The following VTI1A variants were observed in gnomAD, a reference collection of about 807,000 sequenced individuals.
VTI1A encodes vesicle transport through interaction with t-SNAREs 1A.
A neutral mutation model predicts 34.9 loss-of-function variants in VTI1A; 22 were observed. The observed-to-expected ratio is 0.63, with a 90% confidence interval of 0.45 to 0.90. The LOEUF is 0.90. VTI1A is among the 40% of genes least tolerant of loss of function. The probability of loss-of-function intolerance (pLI) is 0.00; values close to 1 mark genes in which losing one functional copy is unlikely to be tolerated. For missense variants in VTI1A, 268 were observed against 275.6 expected (o/e 0.97, Z 0.20); for synonymous variants, 87 against 97.3 (o/e 0.89, Z 0.62).
chr10:112,692,327 TCTC>T (rs1423923657), intron 7 of VTI1A, among the ~76,000 whole-genome samples: 1 of 152,218 alleles, frequency 6.6e-6, no homozygotes, highest in Non-Finnish European at 1.5e-5. Context: ...TGTACTTGTT[TCTC>T]CTCATTCTTC....
the VTI1A span, among the ~76,000 whole-genome samples, chr10:112,849,218 A>C: frequency 2.0e-5 from 3 of 152,232 alleles, no homozygotes; most frequent in East Asian, 5.8e-4. Flanking sequence ...AAAACAACAC[A>C]TGCTAAGCTG....
chr10:112,809,780 A>T (rs900220848), intron 7 of VTI1A, among the ~76,000 whole-genome samples: 3 of 152,220 alleles, frequency 2.0e-5, no homozygotes, highest in Admixed American at 2.0e-4. Flanking sequence ...GGCATCAGGG[A>T]TACAAAAGAC....
At chr10:112,837,031 C>A in the VTI1A span, among the ~76,000 whole-genome samples, 2 of 152,182 alleles carry the variant, frequency 1.3e-5, no homozygotes, top group African/African-American at 2.4e-5. Context: ...AGATCAAAAT[C>A]CTGGGAAGGG....
chr10:112,531,106 TGCGCACGTGCGCGCGC>T (rs1850419889), intron 4 of VTI1A, among the ~76,000 whole-genome samples: 1 of 47,722 alleles, frequency 2.1e-5, no homozygotes, highest in South Asian at 7.8e-4. Flanking sequence ...CACACACACG[TGCGCACGTGCGCGCGC>T]GCGCATGAAC....
chr10:112,796,888 T>C (rs1056119764), intron 7 of VTI1A, among the ~76,000 whole-genome samples: 6 of 152,204 alleles, frequency 3.9e-5, no homozygotes, highest in African/African-American at 1.4e-4. Context: ...TTGGGCAAAA[T>C]TGATTTTTAT....
chr10:112,817,636 T>C lies in VTI1A; in HGVS notation c.*2253T>C, dbSNP rs1388412113. 1 of 228,662 alleles carries C rather than the reference T, an allele frequency of 4.4e-6. No homozygotes were observed. The highest frequency in any genetic ancestry group is 8.7e-6 in the Non-Finnish European group (1 of 115,256). The allele number at this position is 228,662 out of a possible 1,614,324, so 14.2% of individuals were successfully genotyped here. ...TCAGAAGGTTCCCTCAACTCCTTCC[T>C]GGTCCTCCTGGACACTGCAGAAAAG... On this transcript the variant is annotated 3_prime_UTR_variant, in exon 8 of 8. Transcript: ENST00000393077.
intron 5 of VTI1A, among the ~76,000 whole-genome samples, chr10:112,621,514 G>T (rs536037142): frequency 1.1e-4 from 16 of 152,188 alleles, no homozygotes; most frequent in African/African-American, 3.9e-4. Flanking sequence ...TTACTCAAAT[G>T]AGAACTTAAG....
intron 5 of VTI1A, among the ~76,000 whole-genome samples, chr10:112,643,199 G>A (rs1403738336): frequency 7.9e-6 from 1 of 126,776 alleles, no homozygotes; most frequent in Non-Finnish European, 1.6e-5. Context: ...GTTTCACCAT[G>A]TGGCCAGGGT....
chr10:112,492,558 C>T (rs1053352308), intron 3 of VTI1A, among the ~76,000 whole-genome samples: 1 of 152,114 alleles, frequency 6.6e-6, no homozygotes, highest in Non-Finnish European at 1.5e-5. Flanking sequence ...GAGACCCAGG[C>T]AGGCAGATCA....
At chr10:112,550,972 G>A (rs938722803) in intron 5 of VTI1A, among the ~76,000 whole-genome samples, 2 of 152,060 alleles carry the variant, frequency 1.3e-5, no homozygotes, top group African/African-American at 2.4e-5. Context: ...GGCCGGGCGC[G>A]GTGGCTCACG....
intron 3 of VTI1A, among the ~76,000 whole-genome samples, chr10:112,524,597 T>C (rs1268301040): frequency 6.6e-6 from 1 of 152,186 alleles, no homozygotes; most frequent in African/African-American, 2.4e-5. Flanking sequence ...ATTGCTGGTT[T>C]TTAAAAGCGG....
At chr10:112,822,687 C>T (rs1035500996), downstream of VTI1A, among the ~76,000 whole-genome samples, 4 of 104,666 alleles carry the variant, frequency 3.8e-5, no homozygotes, top group Non-Finnish European at 8.6e-5. Context: ...CCTTCCAGAG[C>T]TCTACACTGC....
intron 3 of VTI1A, among the ~76,000 whole-genome samples, chr10:112,505,852 T>C (rs1475457992): frequency 6.6e-6 from 1 of 152,092 alleles, no homozygotes; most frequent in Non-Finnish European, 1.5e-5. Flanking sequence ...TTAAATCACA[T>C]AGTTTTTAAT....
At chr10:112,803,978 C>A (rs1852974046) in intron 7 of VTI1A, among the ~76,000 whole-genome samples, 1 of 152,208 alleles carries the variant, frequency 6.6e-6, no homozygotes, top group Admixed American at 6.5e-5. Context: ...GCTCTGCAGG[C>A]CCCCTGCCAT....
chr10:112,721,617 C>G (rs1849809096), intron 7 of VTI1A, among the ~76,000 whole-genome samples: 1 of 152,182 alleles, frequency 6.6e-6, no homozygotes, highest in African/African-American at 2.4e-5. Flanking sequence ...CTTTTCAAAA[C>G]AAGTCTCTTG....
Position 112,543,530 on chromosome 10 carries a change from A to G in VTI1A, c.427+5200A>G, listed in dbSNP as rs369685832. Among the ~76,000 whole-genome samples, 4 of 151,838 alleles carry G rather than the reference A, an allele frequency of 2.6e-5. No individual in the cohort carries two copies. In the South Asian group the frequency reaches 8.3e-4, roughly 32 times the overall value. ...GCCCACTTTTTGATGGGGTTGTTTG[A>G]TTTTTTTCTTCTAAATTTGTTTAAG... On this transcript the variant is annotated intron_variant, in intron 5 of 7. Transcript: ENST00000393077.
chr10:112,522,237 T>G (rs1380170162), intron 3 of VTI1A, among the ~76,000 whole-genome samples: 1 of 152,052 alleles, frequency 6.6e-6, no homozygotes, highest in African/African-American at 2.4e-5. Context: ...CTGGTAACCT[T>G]GGGCATTATT....
At chr10:112,577,889 G>A (rs183533700) in intron 5 of VTI1A, among the ~76,000 whole-genome samples, 11 of 152,302 alleles carry the variant, frequency 7.2e-5, no homozygotes, top group South Asian at 6.2e-4. Flanking sequence ...CACCAAATCC[G>A]TTCGCTGTTT....
At chr10:112,563,004 CAA>C (rs1207330337) in intron 5 of VTI1A, among the ~76,000 whole-genome samples, 2 of 152,092 alleles carry the variant, frequency 1.3e-5, no homozygotes, top group East Asian at 3.9e-4. Flanking sequence ...CAAAACCCAG[CAA>C]AGTCATTAAA....
Sources: allele counts gnomAD v4.1 joint callset (sites outside exome capture counted in the v4.1 genomes callset), GRCh38; gene constraint gnomAD v4.1.1; transcripts MANE v1.5; gene names NCBI Gene and HGNC (gene_info 2026-07-23, HGNC 2026-07-21).